CHUK: variants seen among roughly 807,000 people sequenced by gnomAD.
The protein encoded by CHUK is inhibitor of nuclear factor kappa-B kinase subunit alpha.
A neutral mutation model predicts 104.8 loss-of-function variants in CHUK; 35 were observed. The ratio of observed to expected loss-of-function variants is 0.33; its 90% CI spans 0.26 to 0.44. The LOEUF is 0.44. Among genes scored for constraint, CHUK ranks in the 20% least tolerant of loss-of-function variants. The pLI is 1.00. For missense variants in CHUK, 663 were observed against 902.7 expected, an observed-to-expected ratio of 0.73 and a Z score of 3.40; for synonymous variants, 276 against 291.9, an observed-to-expected ratio of 0.95 and a Z score of 0.56.
chr10:100,229,226 A>C (rs1321888093), intron 1 of CHUK, among the ~76,000 whole-genome samples: 3 of 152,078 alleles, frequency 2.0e-5, no homozygotes, highest in Non-Finnish European at 2.9e-5. Context: ...AGCTCTATCT[A>C]TGCCCAGTAC....
chr10:100,218,787 A>G lies in CHUK; in HGVS notation c.728T>C (p.Phe243Ser). The G allele has an allele frequency of 6.2e-7, 1 of 1,613,974 alleles. No homozygotes were observed. Among genetic ancestry groups the G allele is most frequent in the South Asian group, 1.1e-5 (1 of 91,076 alleles). ...TTCTCCTGACATCTCTTCACATGCA[A>G]ATATACACTTTGGATCCTTCTTCTT... ...KIKKKDPKCIFACEEMSGEVR... is the reference protein window; with the variant it reads ...KIKKKDPKCISACEEMSGEVR... Residue 243 changes from phenylalanine to serine, a missense_variant, in exon 8 of 21, where the codon TTT (phenylalanine) becomes TCT (serine). Physicochemically the swap from Phe to Ser is radical, Grantham distance 155 (BLOSUM62 -2). Coordinates refer to ENST00000370397, the MANE Select transcript of CHUK (RefSeq NM_001278.5).
intron 9 of CHUK, among the ~76,000 whole-genome samples, chr10:100,217,583 T>C (rs1159547346): frequency 3.3e-5 from 5 of 152,168 alleles, no homozygotes; most frequent in Admixed American, 3.3e-4. Context: ...ATTTTCTTTT[T>C]CAAATAAGCA....
chr10:100,205,204 A>ATTTTGCTGTCCTG lies in CHUK; in HGVS notation c.1232-6_1232-5insCAGGACAGCAAAA. On this transcript the variant is annotated splice_polypyrimidine_tract_variant and splice_region_variant and intron_variant, in intron 11 of 20. Coordinates refer to ENST00000370397, the MANE Select transcript of CHUK (RefSeq NM_001278.5). ...GCTGTATTTTGCTGTCCTGTACTAT[A>ATTTTGCTGTCCTG]TACAAGAAGATGAGAAAAAGGGCAA... is the stretch of plus-strand genomic sequence containing the variant. 6.2e-7 allele frequency: 1 copy of ATTTTGCTGTCCTG among 1,613,884 alleles called. No individual in the cohort carries two copies. Among genetic ancestry groups the ATTTTGCTGTCCTG allele is most frequent in the Non-Finnish European group, 8.5e-7 (1 of 1,179,772 alleles).
At chr10:100,218,907 A>G in intron 7 of CHUK, 82 bp from the exon 8 acceptor site, 1 of 1,523,582 alleles carries the variant, frequency 6.6e-7, no homozygotes, top group East Asian at 2.3e-5. Context: ...ATTTAATTGT[A>G]TATTTCAAAG....
intron 11 of CHUK, 129 bp from the exon 12 acceptor site, chr10:100,205,328 G>T: frequency 1.0e-6 from 1 of 984,130 alleles, no homozygotes; most frequent in Non-Finnish European, 1.6e-6. Flanking sequence ...AGAAACTGAT[G>T]CTAAAAGAAC....
At chr10:100,197,579 T>G (rs986130510) in intron 16 of CHUK, among the ~76,000 whole-genome samples, 3 of 152,202 alleles carry the variant, frequency 2.0e-5, no homozygotes, top group Non-Finnish European at 4.4e-5. Flanking sequence ...TTAACATGTT[T>G]TTATTAAAAA....
chr10:100,205,925 T>A (rs192574895), intron 11 of CHUK, among the ~76,000 whole-genome samples: 17 of 152,134 alleles, frequency 1.1e-4, no homozygotes, highest in Admixed American at 1.0e-3. Context: ...TGAAACTCCA[T>A]CTCAAAAACA....
chr10:100,204,767 TC>T, intron 12 of CHUK, 110 bp from the exon 13 acceptor site: 1 of 899,464 alleles, frequency 1.1e-6, no homozygotes, highest in Non-Finnish European at 1.7e-6. Flanking sequence ...AGCCTAAGTT[TC>T]TATTATCAAT....
intron 19 of CHUK, chr10:100,193,021 T>A: frequency 4.5e-6 from 2 of 440,950 alleles, no homozygotes; most frequent in Non-Finnish European, 8.3e-6. Flanking sequence ...ACATTTGAGC[T>A]AATAATACGC....
chr10:100,198,097 A>T (rs1228317615), intron 16 of CHUK, among the ~76,000 whole-genome samples: 1 of 152,222 alleles, frequency 6.6e-6, no homozygotes, highest in Non-Finnish European at 1.5e-5. Flanking sequence ...TTAAAGTAAT[A>T]AGTGTGCTAT....
chr10:100,208,463 TAAC>T (rs1845641974), intron 10 of CHUK, among the ~76,000 whole-genome samples: 3 of 150,856 alleles, frequency 2.0e-5, no homozygotes, highest in Admixed American at 2.0e-4. Flanking sequence ...CAGGCCTAAA[TAAC>T]AACTGTTTCA....
chr10:100,207,153 T>C (rs1364292735), intron 11 of CHUK, 77 bp downstream of exon 11: 1 of 786,442 alleles, frequency 1.3e-6, no homozygotes, highest in Non-Finnish European at 2.3e-6. Flanking sequence ...CAAAAGTCCA[T>C]TTCTACTAAT....
chr10:100,224,514 G>A (rs1414512105), intron 2 of CHUK, among the ~76,000 whole-genome samples: 3 of 151,992 alleles, frequency 2.0e-5, no homozygotes, highest in African/African-American at 4.8e-5. Context: ...TCAGCTTACC[G>A]CAACCTCCGC....
chr10:100,198,283 T>C (rs958554236), intron 16 of CHUK, among the ~76,000 whole-genome samples: 1 of 152,196 alleles, frequency 6.6e-6, no homozygotes, highest in African/African-American at 2.4e-5. Context: ...ACCATCATAC[T>C]TCACTGTATA....
rs373077744 is a variant in CHUK at position 100,207,184 on chromosome 10, T to C, written c.1231+46A>G. On this transcript the variant is annotated intron_variant, in intron 11 of 20. Coordinates refer to ENST00000370397, the MANE Select transcript of CHUK (RefSeq NM_001278.5). The stretch of plus-strand genomic sequence containing the variant: ...CTAATCATACTGAGAGTCAAAGTTA[T>C]ATTAATTCATGTTTAAAGCTCAGCC... 2.3e-4 allele frequency: 207 copies of C among 884,342 alleles called. 2 individuals carry two copies. Among genetic ancestry groups the C allele is most frequent in the Middle Eastern group, 6.7e-4 (3 of 4,486 alleles). 54.8% of individuals were successfully genotyped at this position (884,342 alleles called of 1,614,324 possible).
intron 2 of CHUK, among the ~76,000 whole-genome samples, chr10:100,225,250 C>T (rs1564842274): frequency 1.3e-5 from 2 of 152,234 alleles, no homozygotes; most frequent in African/African-American, 2.4e-5. Flanking sequence ...AAATTATTCT[C>T]TATTTGCTGG....
At chr10:100,191,118 C>A in intron 19 of CHUK, 150 bp from the exon 20 acceptor site, 1 of 684,626 alleles carries the variant, frequency 1.5e-6, no homozygotes, top group South Asian at 1.5e-5. Context: ...TTAGTTTCCT[C>A]ATCCCTCCCT....
At position 100,213,521 on chromosome 10, in the gene CHUK, A is replaced by G. The variant is rs565261784; in HGVS notation, c.934-3732T>C. Among the ~76,000 whole-genome samples, 72 of 151,938 alleles carry G rather than the reference A, an allele frequency of 4.7e-4. No homozygotes were observed. In the South Asian group the frequency reaches 0.014, roughly 30 times the overall value. ...AAAAAAAATTAAAAGCGTATTAACA[A>G]TTTTGTTTGTTTGTTTTTGAGACAG... On this transcript the variant is annotated intron_variant, in intron 9 of 20. Coordinates refer to ENST00000370397, the MANE Select transcript of CHUK (RefSeq NM_001278.5).
chr10:100,200,605 A>C lies in CHUK; in HGVS notation c.1679+66T>G, dbSNP rs1469023731. ...AGAACCACTAGAGGTTTAATTTGCC[A>C]GATGTAAGCAGAAAGAATACAAAAT... On this transcript the variant is annotated intron_variant, in intron 15 of 20. Coordinates refer to ENST00000370397, the MANE Select transcript of CHUK (RefSeq NM_001278.5). 5 of 827,926 alleles carry C rather than the reference A, an allele frequency of 6.0e-6. No homozygotes were observed. The African/African-American group carries it at 8.3e-5, about 14-fold the overall frequency. The allele number at this position is 827,926 out of a possible 1,614,324, so 51.3% of individuals were successfully genotyped here. A position where few individuals can be genotyped will look rare whatever the true frequency, so the allele number is the denominator to read the frequency against.
Sources: gnomAD v4.1 joint callset for allele counts (sites outside exome capture counted in the v4.1 genomes callset) on GRCh38, gnomAD v4.1.1 for gene constraint, MANE v1.5 for transcripts, NCBI Gene and HGNC (gene_info 2026-07-23, HGNC 2026-07-21) for gene names.